Variants in DCTD observed in about 807,000 individuals in gnomAD.
The protein encoded by DCTD is deoxycytidylate deaminase.
DCTD carries 23 observed loss-of-function variants against 21.0 expected under a neutral mutation model. That is an observed-to-expected ratio of 1.09 (90% confidence interval 0.79 to 1.55). The LOEUF (loss-of-function observed/expected upper bound fraction) is 1.55, where lower values mean the gene tolerates loss of function less well. Among genes scored for constraint, DCTD ranks in the 40% most tolerant of loss-of-function variants. The probability of loss-of-function intolerance (pLI) is 0.00; values close to 1 mark genes in which losing one functional copy is unlikely to be tolerated. For synonymous variants in DCTD, 71 were observed against 81.1 expected (o/e 0.88, Z 0.67); for missense variants, 224 against 230.0 (o/e 0.97, Z 0.17).
intron 1 of DCTD, chr4:182,916,766 A>G: frequency 8.9e-7 from 1 of 1,120,586 alleles, no homozygotes; most frequent in Non-Finnish European, 1.1e-6. Context: ...GCGAGGGAAG[A>G]GCAGGAGAGG....
chr4:182,917,360 C>T lies in DCTD; in HGVS notation c.-57G>A, dbSNP rs569383439. The T allele has an allele frequency of 8.7e-4, 951 of 1,092,992 alleles. 11 individuals are homozygous for T. In the African/African-American group the frequency reaches 0.015, roughly 17 times the overall value. The allele number at this position is 1,092,992 out of a possible 1,614,324, so 67.7% of individuals were successfully genotyped here. A position where few individuals can be genotyped will look rare whatever the true frequency, so the allele number is the denominator to read the frequency against. On this transcript the variant is annotated 5_prime_UTR_variant, in exon 1 of 6. Coordinates refer to ENST00000438320, the MANE Select transcript of DCTD (RefSeq NM_001921.3). The surrounding 1 kb of genome is among the most constrained non-coding windows in gnomAD (Gnocchi z 4.9). ...GGCCGGTGCTCGTCCCCGCCGCCGC[C>T]GTGCTCAGGGAAGGAAGTCGGGGGA...
intron 3 of DCTD, among the ~76,000 whole-genome samples, chr4:182,910,913 AAGGCATCAATC>A (rs1381778260): frequency 6.6e-6 from 1 of 152,210 alleles, no homozygotes; most frequent in African/African-American, 2.4e-5. Context: ...TCCTCCCCAC[AAGGCATCAATC>A]AGGACTAATG....
At chr4:182,895,556 C>T (rs1453904596) in intron 3 of DCTD, among the ~76,000 whole-genome samples, 1 of 152,152 alleles carries the variant, frequency 6.6e-6, no homozygotes, top group Non-Finnish European at 1.5e-5. Context: ...CCCAGAGGTC[C>T]AGTTTGCCTA....
intron 3 of DCTD, among the ~76,000 whole-genome samples, chr4:182,896,155 C>A (rs1000205595): frequency 2.0e-5 from 3 of 152,156 alleles, no homozygotes; most frequent in Non-Finnish European, 4.4e-5. Flanking sequence ...TTATGGCGCT[C>A]ATACATTTCA....
intron 3 of DCTD, among the ~76,000 whole-genome samples, chr4:182,903,932 C>A (rs1192633695): frequency 6.6e-6 from 1 of 152,230 alleles, no homozygotes; most frequent in African/African-American, 2.4e-5. Flanking sequence ...TAACATCTGT[C>A]AAGAGCACAG....
At chr4:182,902,624 T>C (rs1735939948) in intron 3 of DCTD, among the ~76,000 whole-genome samples, 1 of 152,234 alleles carries the variant, frequency 6.6e-6, no homozygotes, top group African/African-American at 2.4e-5. Flanking sequence ...GTAACAGGAC[T>C]GGAGCAAGAA....
intron 3 of DCTD, among the ~76,000 whole-genome samples, chr4:182,899,327 G>A (rs1160154109): frequency 1.3e-5 from 2 of 151,690 alleles, no homozygotes; most frequent in Admixed American, 6.6e-5. Flanking sequence ...TATTTTTCCT[G>A]CCTTTGTGGG....
intron 3 of DCTD, among the ~76,000 whole-genome samples, chr4:182,896,730 G>A (rs1391877439): frequency 6.6e-6 from 1 of 152,158 alleles, no homozygotes; most frequent in Non-Finnish European, 1.5e-5. Flanking sequence ...GCTGCTTGGT[G>A]TTAAAAACAA....
At chr4:182,894,722 A>G in intron 3 of DCTD, 117 bp from the exon 4 acceptor site, 1 of 729,938 alleles carries the variant, frequency 1.4e-6, no homozygotes, top group South Asian at 1.6e-5. Context: ...TCAAGTAAAA[A>G]CATTGATTAG....
At chr4:182,910,640 T>C (rs1737512730) in intron 3 of DCTD, among the ~76,000 whole-genome samples, 1 of 152,240 alleles carries the variant, frequency 6.6e-6, no homozygotes, top group Non-Finnish European at 1.5e-5. Context: ...CTTAGTATAA[T>C]AACATTGCCT....
At chr4:182,906,264 G>A (rs1290279240) in intron 3 of DCTD, among the ~76,000 whole-genome samples, 2 of 151,948 alleles carry the variant, frequency 1.3e-5, no homozygotes, top group African/African-American at 2.4e-5. Context: ...TGGCAGATTC[G>A]GGGTCTGGTC....
chr4:182,903,776 C>T (rs1428921612), intron 3 of DCTD, among the ~76,000 whole-genome samples: 1 of 152,108 alleles, frequency 6.6e-6, no homozygotes, highest in Non-Finnish European at 1.5e-5. Context: ...CTTGGAGACC[C>T]CTGGTTCTGC....
chr4:182,915,471 G>A lies in DCTD; in HGVS notation c.98C>T (p.Pro33Leu). 5 of 1,601,770 alleles carry A rather than the reference G, an allele frequency of 3.1e-6. No homozygotes were observed. The highest frequency in any genetic ancestry group is 4.3e-6 in the Non-Finnish European group (5 of 1,168,768). The change falls in exon 2 of 6, where the codon CCA becomes CTA. Residue 33 changes from proline (P) to leucine (L), a missense_variant. Coordinates refer to ENST00000438320, the MANE Select transcript of DCTD (RefSeq NM_001921.3). The stretch of plus-strand genomic sequence containing the variant: ...GTGAAATTCATTTACCTGGGAATTT[G>A]GATCTTTGCTTCTCTGTGCTGATAA... ...AFLSAQRSKD[P>L]NSQVGACIVN...
chr4:182,915,086 G>A (rs1372005898), intron 2 of DCTD, 28 bp from the exon 3 acceptor site: 1 of 1,613,996 alleles, frequency 6.2e-7, no homozygotes, highest in East Asian at 2.2e-5. Context: ...CAAAGGCTTG[G>A]TGCCTGCAAC....
At chr4:182,901,495 G>A (rs967153740) in intron 3 of DCTD, among the ~76,000 whole-genome samples, 6 of 152,152 alleles carry the variant, frequency 3.9e-5, no homozygotes, top group African/African-American at 9.7e-5. Flanking sequence ...GGTGGCTCCC[G>A]CTAGGACCGG....
intron 3 of DCTD, among the ~76,000 whole-genome samples, chr4:182,902,395 T>C (rs78688755): frequency 0.01 from 1,569 of 152,330 alleles, 33 homozygotes; most frequent in African/African-American, 0.035. Context: ...TCAAATGATT[T>C]GAAATAAAGG....
intron 3 of DCTD, among the ~76,000 whole-genome samples, chr4:182,910,510 A>T (rs1737490513): frequency 6.6e-6 from 1 of 152,224 alleles, no homozygotes; most frequent in Non-Finnish European, 1.5e-5. Context: ...TGAATACTTC[A>T]TCACAGGTTT....
At chr4:182,904,049 T>C (rs190543951) in intron 3 of DCTD, among the ~76,000 whole-genome samples, 9 of 152,080 alleles carry the variant, frequency 5.9e-5, no homozygotes, top group Non-Finnish European at 1.2e-4. Flanking sequence ...CCTGTGAGAA[T>C]ACCCATTTCT....
At chr4:182,913,770 CTT>C (rs1202523756) in intron 3 of DCTD, among the ~76,000 whole-genome samples, 1 of 152,212 alleles carries the variant, frequency 6.6e-6, no homozygotes, top group Non-Finnish European at 1.5e-5. Flanking sequence ...TGATTTGCCT[CTT>C]TTCCAGCATT....
Sources: gnomAD v4.1 joint callset for allele counts (sites outside exome capture counted in the v4.1 genomes callset) on GRCh38, gnomAD v4.1.1 for gene constraint, Gnocchi (gnomAD v3.1) non-coding constraint, MANE v1.5 for transcripts, NCBI Gene and HGNC (gene_info 2026-07-23, HGNC 2026-07-21) for gene names.